Variants in UBAP2 observed in about 807,000 individuals in gnomAD.
UBAP2 encodes ubiquitin-associated protein 2.
Under a neutral mutation model 139.6 loss-of-function variants are expected in UBAP2, and 75 were observed. The observed-to-expected ratio is 0.54, with a 90% CI of 0.45 to 0.65. The LOEUF is 0.65. Among genes scored for constraint, UBAP2 ranks in the 30% least tolerant of loss-of-function variants. The pLI, the probability that UBAP2 is intolerant of heterozygous loss-of-function variation, is 0.00. For synonymous variants in UBAP2, 526 were observed against 526.2 expected (o/e 1.00, Z 0.01); for missense variants, 1,368 against 1,369.6 (o/e 1.00, Z 0.02).
At chr9:33,930,102 C>T (rs1168580938) in intron 19 of UBAP2, among the ~76,000 whole-genome samples, 1 of 152,016 alleles carries the variant, frequency 6.6e-6, no homozygotes, top group Non-Finnish European at 1.5e-5. Context: ...GGATGTACAA[C>T]CTCATTAAAA....
chr9:34,039,562 G>A lies in UBAP2; in HGVS notation c.-42+9263C>T, dbSNP rs548302201. 4.3e-4 allele frequency among the ~76,000 whole-genome samples: 66 copies of A among 152,066 alleles called. No homozygotes were observed. In the South Asian group the frequency reaches 0.012, roughly 28 times the overall value. On this transcript the variant is annotated intron_variant, in intron 1 of 28. Coordinates refer to ENST00000379238, the MANE Select transcript of UBAP2 (RefSeq NM_001370062.2). The stretch of plus-strand genomic sequence containing the variant: ...AATCTATAACCTTACCCCCAACCCC[G>A]TGCTCTCTGAAACATGTGCTGTGTC...
chr9:33,963,321 G>T (rs1437136828), intron 9 of UBAP2, among the ~76,000 whole-genome samples: 1 of 152,096 alleles, frequency 6.6e-6, no homozygotes, highest in Non-Finnish European at 1.5e-5. Flanking sequence ...CAAAGGCTCA[G>T]GTCCTAATCA....
intron 8 of UBAP2, among the ~76,000 whole-genome samples, chr9:33,971,013 G>A (rs1827878989): frequency 6.6e-6 from 1 of 152,134 alleles, no homozygotes; most frequent in Non-Finnish European, 1.5e-5. Context: ...ATGTTGGCCA[G>A]GCTGGTCTCG....
chr9:34,003,928 C>T (rs868199083), intron 2 of UBAP2, among the ~76,000 whole-genome samples: 1 of 152,062 alleles, frequency 6.6e-6, no homozygotes, highest in African/African-American at 2.4e-5. Flanking sequence ...TCATGTTGAT[C>T]AGGCTGGTCT....
At chr9:34,035,896 CT>C (rs11291703) in intron 1 of UBAP2, among the ~76,000 whole-genome samples, 100,960 of 148,506 alleles carry the variant, frequency 0.68, 34,776 homozygotes, top group East Asian at 0.82. Flanking sequence ...CACATTCTCT[CT>C]TTTTTTTTTT....
At chr9:33,931,400 G>A (rs307645) in intron 19 of UBAP2, among the ~76,000 whole-genome samples, 60,587 of 151,964 alleles carry the variant, frequency 0.4, 12,450 homozygotes, top group South Asian at 0.48. Flanking sequence ...GGAATACATG[G>A]TCTGGAGGTT....
chr9:33,988,914 G>A, intron 5 of UBAP2, 59 bp downstream of exon 5: 1 of 1,550,192 alleles, frequency 6.5e-7, no homozygotes, highest in South Asian at 1.3e-5. Context: ...GGAGGCTGAG[G>A]CGGGAGGGTC....
intron 10 of UBAP2, among the ~76,000 whole-genome samples, chr9:33,959,278 G>C (rs1826831738): frequency 1.3e-5 from 2 of 152,158 alleles, no homozygotes; most frequent in Admixed American, 1.3e-4. Flanking sequence ...AAGACCCAAG[G>C]AACAACGCCC....
At chr9:34,030,475 T>G (rs1384887306) in intron 1 of UBAP2, among the ~76,000 whole-genome samples, 1 of 151,284 alleles carries the variant, frequency 6.6e-6, no homozygotes, top group African/African-American at 2.4e-5. Context: ...ACAAAAAAAC[T>G]GGCCCGGTAT....
chr9:34,013,248 G>A (rs557652416), intron 2 of UBAP2, among the ~76,000 whole-genome samples: 25 of 151,272 alleles, frequency 1.7e-4, no homozygotes, highest in African/African-American at 4.4e-4. Context: ...TGGTTTATAC[G>A]GATTCAAAAG....
chr9:34,011,688 AG>A, intron 2 of UBAP2: 2 of 987,066 alleles, frequency 2.0e-6, no homozygotes, highest in Non-Finnish European at 2.4e-6. Flanking sequence ...AGGAAAAATC[AG>A]GATCAACTGG....
intron 3 of UBAP2, 73 bp from the exon 4 acceptor site, chr9:33,996,406 A>T: frequency 2.1e-6 from 2 of 966,866 alleles, no homozygotes. Context: ...CTTCTATACA[A>T]ATACAGAATT....
At chr9:33,955,645 A>G (rs1193178313) in intron 11 of UBAP2, among the ~76,000 whole-genome samples, 2 of 151,736 alleles carry the variant, frequency 1.3e-5, no homozygotes, top group Non-Finnish European at 2.9e-5. Flanking sequence ...CCTGACCAAC[A>G]TGGAAAAACT....
intron 1 of UBAP2, among the ~76,000 whole-genome samples, chr9:34,022,222 G>A (rs1825011986): frequency 6.6e-6 from 1 of 151,854 alleles, no homozygotes; most frequent in African/African-American, 2.4e-5. Context: ...TCCAACCTGG[G>A]CAACAAGAGC....
chr9:34,038,061 C>G (rs1392613075), intron 1 of UBAP2, among the ~76,000 whole-genome samples: 1 of 145,822 alleles, frequency 6.9e-6, no homozygotes, highest in Non-Finnish European at 1.5e-5. Context: ...CCCAGGTACC[C>G]AAGAGGCTAA....
chr9:33,991,034 C>T (rs1002440466), intron 4 of UBAP2, among the ~76,000 whole-genome samples: 2 of 152,150 alleles, frequency 1.3e-5, no homozygotes, highest in African/African-American at 4.8e-5. Flanking sequence ...CCTGTAATCC[C>T]AGCACATTGG....
intron 2 of UBAP2, among the ~76,000 whole-genome samples, chr9:34,011,156 T>C (rs1005583161): frequency 1.3e-5 from 2 of 152,126 alleles, no homozygotes; most frequent in Non-Finnish European, 2.9e-5. Context: ...GCAGAATAGT[T>C]ATTAATAATC....
intron 11 of UBAP2, among the ~76,000 whole-genome samples, 184 bp from the exon 12 acceptor site, chr9:33,953,658 G>A (rs1313796467): frequency 6.6e-6 from 1 of 152,204 alleles, no homozygotes; most frequent in East Asian, 1.9e-4. Flanking sequence ...CCAAGCCACA[G>A]AGACTGAAGC....
chr9:34,017,154 G>C lies in UBAP2; in HGVS notation c.-6C>G. The C allele has an allele frequency of 6.4e-7, 1 of 1,566,888 alleles. No individual in the cohort carries two copies. Among genetic ancestry groups the C allele is most frequent in the Non-Finnish European group, 8.6e-7 (1 of 1,158,678 alleles). On this transcript the variant is annotated 5_prime_UTR_variant, in exon 2 of 29. Transcript: ENST00000379238. ...CTGCTCACTGAAGTCATCATATACAGTATATACAAAATAATGTATGTACAA... is the reference window on the plus strand; with the variant it reads ...CTGCTCACTGAAGTCATCATATACACTATATACAAAATAATGTATGTACAA...
Sources: gnomAD v4.1 joint callset for allele counts (sites outside exome capture counted in the v4.1 genomes callset) on GRCh38, gnomAD v4.1.1 for gene constraint, MANE v1.5 for transcripts, NCBI Gene and HGNC (gene_info 2026-07-23, HGNC 2026-07-21) for gene names.